The following NUDT4 variants were observed in gnomAD, a reference collection of about 807,000 sequenced individuals.
NUDT4 encodes diphosphoinositol polyphosphate phosphohydrolase 2.
Under a neutral mutation model 23.1 loss-of-function variants are expected in NUDT4, and 5 were observed. The ratio of observed to expected loss-of-function variants is 0.22; its 90% confidence interval spans 0.11 to 0.46. The LOEUF (loss-of-function observed/expected upper bound fraction) is 0.46, where lower values mean the gene tolerates loss of function less well. NUDT4 is among the 20% of genes least tolerant of loss of function. The probability of loss-of-function intolerance (pLI) is 0.99; values close to 1 mark genes in which losing one functional copy is unlikely to be tolerated. For synonymous variants in NUDT4, 50 were observed against 79.0 expected, an observed-to-expected ratio of 0.63 and a Z score of 1.95; for missense variants, 96 against 211.6, an observed-to-expected ratio of 0.45 and a Z score of 3.39.
chr12:93,390,229 A>G (rs1379914912), intron 1 of NUDT4, among the ~76,000 whole-genome samples: 1 of 152,238 alleles, frequency 6.6e-6, no homozygotes, highest in African/African-American at 2.4e-5. Context: ...CAAGAATTTC[A>G]TCTAGGCAAT....
At chr12:93,382,577 A>ACTCTGGGG (rs1875749269) in intron 1 of NUDT4, among the ~76,000 whole-genome samples, 1 of 151,478 alleles carries the variant, frequency 6.6e-6, no homozygotes, top group African/African-American at 2.4e-5. Context: ...TTTCACACAT[A>ACTCTGGGG]CTCTGGGGCT....
At chr12:93,391,164 G>T (rs1876469051) in intron 1 of NUDT4, among the ~76,000 whole-genome samples, 1 of 152,140 alleles carries the variant, frequency 6.6e-6, no homozygotes, top group South Asian at 2.1e-4. Context: ...ATCAGTCATG[G>T]CTCTTGCCTG....
chr12:93,393,617 A>G (rs752293209), intron 1 of NUDT4, among the ~76,000 whole-genome samples: 24 of 152,208 alleles, frequency 1.6e-4, no homozygotes, highest in Non-Finnish European at 2.9e-4. Context: ...TGAATTTCAC[A>G]TAATTTTAAA....
At chr12:93,381,592 G>A (rs1204518422) in intron 1 of NUDT4, among the ~76,000 whole-genome samples, 1 of 152,196 alleles carries the variant, frequency 6.6e-6, no homozygotes, top group Non-Finnish European at 1.5e-5. Flanking sequence ...GTATTCTGGG[G>A]TTCAGATCCA....
chr12:93,378,610 G>A (rs534334360), intron 1 of NUDT4, 189 bp downstream of exon 1: 5 of 1,240,770 alleles, frequency 4.0e-6, no homozygotes, highest in Non-Finnish European at 2.0e-6. Context: ...GCTGATAGAT[G>A]AGACAAAGGG....
intron 1 of NUDT4, among the ~76,000 whole-genome samples, chr12:93,383,388 A>G (rs73366024): frequency 0.031 from 4,707 of 152,300 alleles, 269 homozygotes; most frequent in African/African-American, 0.11. Flanking sequence ...TAAAATGTCT[A>G]TGTGCATAGT....
At chr12:93,395,054 G>A (rs770757544) in intron 2 of NUDT4, among the ~76,000 whole-genome samples, 2 of 152,146 alleles carry the variant, frequency 1.3e-5, no homozygotes, top group Non-Finnish European at 2.9e-5. Context: ...TCACCATGTT[G>A]GCCAGACTGG....
chr12:93,400,756 C>A lies in NUDT4; in HGVS notation c.*1377C>A, dbSNP rs1222284639. ...TCCCGAGTAGTTGGGATTACAGGCG[C>A]CTGCCTCCATGCCTGGCTAATTTTG... On this transcript the variant is annotated 3_prime_UTR_variant, in exon 5 of 5. Transcript: ENST00000415493. The A allele has an allele frequency of 1.3e-5, 2 of 152,330 alleles. No homozygotes were observed. The highest frequency in any genetic ancestry group is 2.4e-5 in the African/African-American group (1 of 41,470). The allele number at this position is 152,330 out of a possible 1,614,324, so 9.4% of individuals were successfully genotyped here.
chr12:93,382,538 A>G (rs931532977), intron 1 of NUDT4, among the ~76,000 whole-genome samples: 8 of 152,174 alleles, frequency 5.3e-5, no homozygotes, highest in African/African-American at 1.9e-4. Context: ...TAGCATTTTT[A>G]TACTTAGAAT....
At chr12:93,382,674 C>CTTTT (rs11315217) in intron 1 of NUDT4, among the ~76,000 whole-genome samples, 11,022 of 111,234 alleles carry the variant, frequency 0.099, 991 homozygotes, top group East Asian at 0.37. Flanking sequence ...CAAAGGTAGC[C>CTTTT]TTTTTTTTTT....
intron 1 of NUDT4, among the ~76,000 whole-genome samples, chr12:93,391,044 T>G (rs1356781187): frequency 6.6e-6 from 1 of 152,086 alleles, no homozygotes; most frequent in Non-Finnish European, 1.5e-5. Flanking sequence ...CTTAGTCAAA[T>G]GAGAGAGGAC....
chr12:93,382,480 G>A (rs1362888982), intron 1 of NUDT4, among the ~76,000 whole-genome samples: 2 of 152,166 alleles, frequency 1.3e-5, no homozygotes, highest in South Asian at 2.1e-4. Flanking sequence ...CCAGAGCTCC[G>A]ATGAGCAACA....
rs1224055855 is a variant in NUDT4, at chr12:93,405,405, A to G, written c.*6026A>G. Reference sequence around the variant, plus strand: ...AGAGGTTGGTATCAAGTCTATGTTCATACACTTACCAGTGCCACCCAGCAG... The same window carrying G: ...AGAGGTTGGTATCAAGTCTATGTTCGTACACTTACCAGTGCCACCCAGCAG... On this transcript the variant is annotated 3_prime_UTR_variant, in exon 5 of 5. Transcript: ENST00000415493. The G allele has an allele frequency of 1.3e-5, 2 of 152,260 alleles. No homozygotes were observed. The highest frequency in any genetic ancestry group is 2.4e-5 in the African/African-American group (1 of 41,462). The allele number at this position is 152,260 out of a possible 1,614,324, so 9.4% of individuals were successfully genotyped here. A position where few individuals can be genotyped will look rare whatever the true frequency, so the allele number is the denominator to read the frequency against.
At chr12:93,395,829 T>C (rs1302118498) in intron 3 of NUDT4, among the ~76,000 whole-genome samples, 3 of 152,192 alleles carry the variant, frequency 2.0e-5, no homozygotes, top group Non-Finnish European at 4.4e-5. Flanking sequence ...CAAGCAATTC[T>C]CCTGCCTCGT....
In NUDT4 at chr12:93,399,228, G is replaced by A; in HGVS notation, c.392G>A (p.Cys131Tyr). ...GAAGATGCTATCAAAGTTCTCCAGTGTCATAAACCTGTACATGCAGAGTAT... is the reference window on the plus strand; with the variant it reads ...GAAGATGCTATCAAAGTTCTCCAGTATCATAAACCTGTACATGCAGAGTAT... ...KVEDAIKVLQ[C>Y]HKPVHAEYLE... is the part of the protein sequence containing the mutation. The change falls in exon 5 of 5, where the codon TGT (cysteine) becomes TAT (tyrosine). Residue 131 changes from cysteine to tyrosine, a missense_variant. Cys to Tyr is a radical substitution (Grantham distance 194). Transcript: ENST00000415493. 3 of 1,574,542 alleles carry A rather than the reference G, an allele frequency of 1.9e-6. No individual in the cohort carries two copies. The highest frequency in any genetic ancestry group is 2.6e-6 in the Non-Finnish European group (3 of 1,145,064).
intron 1 of NUDT4, among the ~76,000 whole-genome samples, chr12:93,393,428 G>A (rs1876704926): frequency 6.6e-6 from 1 of 152,014 alleles, no homozygotes; most frequent in Non-Finnish European, 1.5e-5. Flanking sequence ...TGCTATTCTT[G>A]GTAAGGGGTC....
At chr12:93,394,515 G>A (rs1167272751) in intron 1 of NUDT4, 94 bp from the exon 2 acceptor site, 4 of 669,946 alleles carry the variant, frequency 6.0e-6, no homozygotes, top group Non-Finnish European at 1.0e-5. Context: ...TTTTAATCTA[G>A]AATAGAGTTA....
chr12:93,380,469 G>A (rs1292830518), intron 1 of NUDT4, among the ~76,000 whole-genome samples: 1 of 152,146 alleles, frequency 6.6e-6, no homozygotes, highest in Non-Finnish European at 1.5e-5. Context: ...GGTGAAGTAG[G>A]GAGCAAGTTT....
In NUDT4 at chr12:93,406,197, G is replaced by C. The variant is rs1296136214; in HGVS notation, c.*6818G>C. ...GCAGGAGAATCGCTTGAACGCGGGA[G>C]GCAGAACCTGCAGTGAGCCAAGATC... On this transcript the variant is annotated 3_prime_UTR_variant, in exon 5 of 5. Transcript: ENST00000415493. The C allele has an allele frequency of 2.1e-5, 3 of 144,370 alleles. No individual in the cohort carries two copies. The highest frequency in any genetic ancestry group is 4.5e-5 in the Non-Finnish European group (3 of 67,344). 8.9% of individuals were successfully genotyped at this position (144,370 alleles called of 1,614,324 possible).
Sources: allele counts gnomAD v4.1 joint callset (sites outside exome capture counted in the v4.1 genomes callset), GRCh38; gene constraint gnomAD v4.1.1; transcripts MANE v1.5; gene names NCBI Gene and HGNC (gene_info 2026-07-23, HGNC 2026-07-21).